The following POLM variants were observed in gnomAD, a reference collection of about 807,000 sequenced individuals.
The protein encoded by POLM is DNA-directed DNA/RNA polymerase mu.
A neutral mutation model predicts 56.7 loss-of-function variants in POLM; 52 were observed. That is an observed-to-expected ratio of 0.92 (90% CI 0.73 to 1.15). POLM has a LOEUF of 1.15. Among genes scored for constraint, POLM ranks in the 50% most tolerant of loss-of-function variants. The pLI is 0.00. For missense variants in POLM, 660 were observed against 663.6 expected (o/e 0.99, Z 0.06); for synonymous variants, 273 against 274.3 (o/e 1.00, Z 0.05).
intron 4 of POLM, 42 bp from the exon 5 acceptor site, chr7:44,078,853 G>T: frequency 6.4e-7 from 1 of 1,562,146 alleles, no homozygotes; most frequent in Non-Finnish European, 8.8e-7. Context: ...CTGAGGGCGT[G>T]GGAAGAAAGA....
intron 1 of POLM, among the ~76,000 whole-genome samples, chr7:44,081,656 G>C (rs957192982): frequency 6.6e-6 from 1 of 152,146 alleles, no homozygotes; most frequent in African/African-American, 2.4e-5. Flanking sequence ...TGAGGACAGA[G>C]GAGCCTGCGG....
At chr7:44,076,446 A>G in intron 6 of POLM, 63 bp downstream of exon 6, 1 of 1,604,310 alleles carries the variant, frequency 6.2e-7, no homozygotes, top group Non-Finnish European at 8.5e-7. Flanking sequence ...TAGGGAGTTG[A>G]TGCTGAGGGA....
At chr7:44,080,595 G>C (rs1000269048) in intron 2 of POLM, 138 bp downstream of exon 2, 131 of 927,724 alleles carry the variant, frequency 1.4e-4, no homozygotes, top group Non-Finnish European at 1.2e-4. Flanking sequence ...GGCCCCTGGT[G>C]ATCTGGGTAG....
chr7:44,081,017 G>A (rs2096198406), intron 1 of POLM, 101 bp from the exon 2 acceptor site: 10 of 1,008,222 alleles, frequency 9.9e-6, no homozygotes, highest in Non-Finnish European at 1.1e-5. Context: ...CATGGTAAGT[G>A]ACCATTCATC....
chr7:44,078,948 G>A, intron 4 of POLM, 137 bp from the exon 5 acceptor site: 2 of 658,772 alleles, frequency 3.0e-6, no homozygotes, highest in Middle Eastern at 2.7e-4. Context: ...ACTTTGTGAG[G>A]TCAGGGTCCA....
Position 44,079,733 on chromosome 7 carries a change from C to T in POLM, c.480G>A (p.Leu160=), listed in dbSNP as rs1157896495. ...AGCCTGCTGCCTCGGCCAGTATCTC[C>T]AGAGCCTCCTGCAGGGAGGGGCCCT... ...THHNTGLSEA[L]EILAEAAGFE... The change falls in exon 4 of 11, where the codon CTG becomes CTA. Residue 160 remains leucine, a synonymous_variant. Coordinates refer to ENST00000242248, the MANE Select transcript of POLM (RefSeq NM_013284.4). 4 of 1,609,614 alleles carry T rather than the reference C, an allele frequency of 2.5e-6. No homozygotes were observed. The African/African-American group carries it at 4.0e-5, about 16-fold the overall frequency.
chr7:44,081,744 C>CTTTTTTTTTT (rs1183469734), intron 1 of POLM, among the ~76,000 whole-genome samples: 1 of 125,408 alleles, frequency 8.0e-6, no homozygotes, highest in African/African-American at 3.1e-5. Flanking sequence ...GCAAATACGA[C>CTTTTTTTTTT]TTTTTTTTTT....
chr7:44,078,845 G>C lies in POLM; in HGVS notation c.643-34C>G, dbSNP rs1260053993. The C allele has an allele frequency of 2.5e-6, 4 of 1,577,564 alleles. No individual in the cohort carries two copies. In the South Asian group the frequency reaches 4.5e-5, roughly 18 times the overall value. On this transcript the variant is annotated intron_variant, in intron 4 of 10. Transcript: ENST00000242248. ...GGGAACAAAGCAGAACTCTAAGCCT[G>C]AGGGCGTGGGAAGAAAGAGAAGGGC...
intron 10 of POLM, 31 bp from the exon 11 acceptor site, chr7:44,073,408 G>C: frequency 6.2e-7 from 1 of 1,608,928 alleles, no homozygotes; most frequent in Non-Finnish European, 8.5e-7. Context: ...CCGTGACCTA[G>C]GAGTCTTGCC....
chr7:44,073,918 G>A lies in POLM; in HGVS notation c.1179C>T (p.Arg393=). Residue 393 remains arginine (R), a synonymous_variant, in exon 9 of 11, where the codon CGC becomes CGT. Transcript: ENST00000242248. The part of the protein sequence containing the change: ...DAFERSFCIF[R]LPQPPGAAVG... ...CAGCAGCCCCTGGAGGTTGTGGTAG[G>A]CGGAAAATGCAGAAACTTCTCTCAA... The A allele has an allele frequency of 6.2e-7, 1 of 1,614,250 alleles. No homozygotes were observed.
chr7:44,081,321 G>A (rs1226922854), intron 1 of POLM, among the ~76,000 whole-genome samples: 3 of 152,240 alleles, frequency 2.0e-5, no homozygotes, highest in Admixed American at 6.5e-5. Context: ...CAAGCCACGT[G>A]TCTATACTTT....
At chr7:44,076,774 C>T in intron 5 of POLM, 145 bp from the exon 6 acceptor site, 1 of 1,010,362 alleles carries the variant, frequency 9.9e-7, no homozygotes, top group Non-Finnish European at 1.4e-6. Flanking sequence ...GACCACAGGG[C>T]AAGGATTCAA....
At chr7:44,078,699 C>T (rs1453151821) in intron 5 of POLM, 41 bp downstream of exon 5, 2 of 1,557,906 alleles carry the variant, frequency 1.3e-6, no homozygotes, top group Admixed American at 1.7e-5. Flanking sequence ...ATTCCCAGGG[C>T]AGGACATTCC....
intron 4 of POLM, among the ~76,000 whole-genome samples, chr7:44,079,258 A>ACACTC (rs1288318105): frequency 1.8e-4 from 28 of 152,338 alleles, no homozygotes; most frequent in South Asian, 1.4e-3. Flanking sequence ...AGAGATGCTC[A>ACACTC]CACTCAGGGT....
chr7:44,079,468 G>T, intron 4 of POLM, 103 bp downstream of exon 4: 1 of 1,098,256 alleles, frequency 9.1e-7, no homozygotes, highest in Non-Finnish European at 1.3e-6. Context: ...CAGCACCCAC[G>T]ACTGTCTGTC....
chr7:44,079,876 G>A lies in POLM; in HGVS notation c.456C>T (p.His152=), dbSNP rs770633203. The change falls in exon 3 of 11, where the codon CAC becomes CAT. Residue 152 remains histidine (H), a synonymous_variant. Coordinates refer to ENST00000242248, the MANE Select transcript of POLM (RefSeq NM_013284.4). Reference sequence around the variant, plus strand: ...AGCGGCTTACGGAGAGGCCAGTGTTGTGGTGTGTGAGGGGCGTAGGGCGCT... The same window carrying A: ...AGCGGCTTACGGAGAGGCCAGTGTTATGGTGTGTGAGGGGCGTAGGGCGCT... ...ACQRPTPLTH[H]NTGLSEALEI... The A allele has an allele frequency of 2.7e-5, 43 of 1,614,140 alleles. No individual in the cohort carries two copies. Among genetic ancestry groups the A allele is most frequent in the Non-Finnish European group, 3.6e-5 (42 of 1,179,968 alleles).
At chr7:44,079,484 C>G (rs1464486419) in intron 4 of POLM, 87 bp downstream of exon 4, 2 of 1,321,494 alleles carry the variant, frequency 1.5e-6, no homozygotes, top group Non-Finnish European at 2.1e-6. Context: ...CTGTCCTCAC[C>G]CACCCCCACA....
chr7:44,079,640 G>C lies in POLM; in HGVS notation c.573C>G (p.Ser191Arg). The change falls in exon 4 of 11, where the codon AGC becomes AGG. Residue 191 changes from serine (S) to arginine (R), a missense_variant. Ser to Arg is a moderately radical substitution (Grantham distance 110, BLOSUM62 -1). Coordinates refer to ENST00000242248, the MANE Select transcript of POLM (RefSeq NM_013284.4). ...GCAGCTGGCTCAGGGTTGTGACAGGGCTGGGAAGGGCCTTGAGCACCGAGG... is the reference window on the plus strand; with the variant it reads ...GCAGCTGGCTCAGGGTTGTGACAGGCCTGGGAAGGGCCTTGAGCACCGAGG... The part of the protein sequence containing the change: ...RAASVLKALP[S>R]PVTTLSQLQG... 1 of 1,613,864 alleles carries C rather than the reference G, an allele frequency of 6.2e-7. No homozygotes were observed. Among genetic ancestry groups the C allele is most frequent in the Non-Finnish European group, 8.5e-7 (1 of 1,179,952 alleles).
In POLM at chr7:44,073,135, T is replaced by C; in HGVS notation, c.*156A>G. The C allele has an allele frequency of 6.6e-7, 1 of 1,509,218 alleles. No individual in the cohort carries two copies. Among genetic ancestry groups the C allele is most frequent in the Non-Finnish European group, 8.9e-7 (1 of 1,128,234 alleles). 93.5% of individuals were successfully genotyped at this position (1,509,218 alleles called of 1,614,324 possible). A position where few individuals can be genotyped will look rare whatever the true frequency, so the allele number is the denominator to read the frequency against. On this transcript the variant is annotated 3_prime_UTR_variant, in exon 11 of 11. Coordinates refer to ENST00000242248, the MANE Select transcript of POLM (RefSeq NM_013284.4). The stretch of plus-strand genomic sequence containing the variant: ...TGCAGCACACCAGCAGGGGCTCAAC[T>C]GATCCTGCAGGCACAATTGACCTCC...
Sources: gnomAD v4.1 joint callset for allele counts (sites outside exome capture counted in the v4.1 genomes callset) on GRCh38, gnomAD v4.1.1 for gene constraint, MANE v1.5 for transcripts, NCBI Gene and HGNC (gene_info 2026-07-23, HGNC 2026-07-21) for gene names.